Variants in ATP9A observed in about 807,000 individuals in gnomAD.
The protein encoded by ATP9A is ATPase phospholipid transporting 9A.
Under a neutral mutation model 144.1 loss-of-function variants are expected in ATP9A, and 52 were observed. That is an observed-to-expected ratio of 0.36 (90% CI 0.29 to 0.45). The LOEUF is 0.45. ATP9A is among the 20% of genes least tolerant of loss of function. The probability of loss-of-function intolerance (pLI) is 1.00; values close to 1 mark genes in which losing one functional copy is unlikely to be tolerated. For missense variants in ATP9A, 947 were observed against 1,392.7 expected, an observed-to-expected ratio of 0.68 and a Z score of 5.09; for synonymous variants, 582 against 557.4, an observed-to-expected ratio of 1.04 and a Z score of -0.62.
intron 4 of ATP9A, among the ~76,000 whole-genome samples, chr20:51,699,557 AT>A (rs1239656852): frequency 2.0e-5 from 3 of 152,072 alleles, no homozygotes; most frequent in Non-Finnish European, 4.4e-5. Context: ...TTTTTAACTA[AT>A]TTTTGTGTGT....
At chr20:51,642,556 C>T (rs540778270) in intron 14 of ATP9A, among the ~76,000 whole-genome samples, 26 of 151,744 alleles carry the variant, frequency 1.7e-4, no homozygotes, top group Admixed American at 1.6e-3. Flanking sequence ...ATCAAGGTCG[C>T]TTGATCACCA....
intron 26 of ATP9A, among the ~76,000 whole-genome samples, chr20:51,605,336 C>T (rs1037129707): frequency 2.0e-5 from 3 of 152,148 alleles, no homozygotes; most frequent in East Asian, 3.9e-4. Context: ...GATGGAGTCG[C>T]GGCCAGGCGC....
rs377547496 is a variant in ATP9A at position 51,719,745 on chromosome 20, AG to A, written c.327+6073del. On this transcript the variant is annotated intron_variant, in intron 3 of 27. Coordinates refer to ENST00000338821, the MANE Select transcript of ATP9A (RefSeq NM_006045.3). The stretch of plus-strand genomic sequence containing the variant: ...AGACTCTGTCTCAAAAAAAAAAAAA[AG>A]GGGGGGGAAGAAGAAACGGGCTGGG... 5.3e-4 allele frequency among the ~76,000 whole-genome samples: 73 copies of A among 137,476 alleles called. 1 individual carries two copies. Among genetic ancestry groups the A allele is most frequent in the East Asian group, 1.1e-3 (5 of 4,536 alleles). The allele number at this position is 137,476 out of a possible 152,430, so 90.2% of individuals were successfully genotyped here. A position where few individuals can be genotyped will look rare whatever the true frequency, so the allele number is the denominator to read the frequency against.
At chr20:51,762,493 C>CAA (rs1262709304) in intron 1 of ATP9A, among the ~76,000 whole-genome samples, 1 of 125,100 alleles carries the variant, frequency 8.0e-6, no homozygotes, top group Non-Finnish European at 1.7e-5. Flanking sequence ...GACTCTGTCT[C>CAA]AAAAAAAAAA....
intron 4 of ATP9A, among the ~76,000 whole-genome samples, chr20:51,700,585 C>T (rs761377126): frequency 6.6e-6 from 1 of 152,226 alleles, no homozygotes; most frequent in Non-Finnish European, 1.5e-5. Context: ...AATCCCAACA[C>T]TTTGGGAGGC....
At chr20:51,722,007 A>C (rs2077691823) in intron 3 of ATP9A, among the ~76,000 whole-genome samples, 1 of 152,146 alleles carries the variant, frequency 6.6e-6, no homozygotes, top group Non-Finnish European at 1.5e-5. Flanking sequence ...GATCAATGGA[A>C]CAGAATAGAG....
At chr20:51,643,873 T>C (rs541333981) in intron 14 of ATP9A, among the ~76,000 whole-genome samples, 3 of 152,268 alleles carry the variant, frequency 2.0e-5, no homozygotes, top group South Asian at 2.1e-4. Context: ...CAGTAGCTCA[T>C]GTCTGTAATC....
chr20:51,618,939 G>T lies in ATP9A; in HGVS notation c.2205+15C>A. On this transcript the variant is annotated intron_variant, in intron 20 of 27. Transcript: ENST00000338821. Reference sequence around the variant, plus strand: ...GCTGCTGGGAGGACTGGCTCTCAGGGGTCCCCAAGCTCACCTCCAGGGAGT... The same window carrying T: ...GCTGCTGGGAGGACTGGCTCTCAGGTGTCCCCAAGCTCACCTCCAGGGAGT... 1 of 1,613,596 alleles carries T rather than the reference G, an allele frequency of 6.2e-7. No homozygotes were observed. Among genetic ancestry groups the T allele is most frequent in the Non-Finnish European group, 8.5e-7 (1 of 1,179,592 alleles).
intron 9 of ATP9A, among the ~76,000 whole-genome samples, chr20:51,682,577 C>CTTATTTTTTTTTTTTTT (rs2077504522): frequency 2.9e-5 from 1 of 35,076 alleles, no homozygotes; most frequent in Non-Finnish European, 5.3e-5. Flanking sequence ...TTCACTGTAT[C>CTTATTTTTTTTTTTTTT]TTTTTTTTTT....
intron 17 of ATP9A, among the ~76,000 whole-genome samples, chr20:51,625,888 C>T (rs1270068335): frequency 3.3e-5 from 5 of 152,210 alleles, no homozygotes; most frequent in Admixed American, 3.3e-4. Context: ...GAAGCACATG[C>T]TTTTAAAATT....
intron 10 of ATP9A, among the ~76,000 whole-genome samples, 197 bp downstream of exon 10, chr20:51,675,935 A>T (rs1243282815): frequency 1.3e-5 from 2 of 152,038 alleles, no homozygotes; most frequent in African/African-American, 4.8e-5. Context: ...CAAACATGTA[A>T]CTACATATTT....
intron 15 of ATP9A, among the ~76,000 whole-genome samples, chr20:51,635,590 A>G (rs976054151): frequency 6.6e-6 from 1 of 151,714 alleles, no homozygotes; most frequent in Admixed American, 6.6e-5. Context: ...GATAAGAATT[A>G]GCAGAGCATG....
intron 5 of ATP9A, among the ~76,000 whole-genome samples, chr20:51,696,476 T>C (rs564791099): frequency 1.3e-5 from 2 of 152,316 alleles, no homozygotes; most frequent in Admixed American, 6.5e-5. Context: ...TCTTCCAGGC[T>C]GTCTGCTGAG....
intron 26 of ATP9A, among the ~76,000 whole-genome samples, chr20:51,606,354 ATG>A (rs2077163478): frequency 3.9e-5 from 6 of 152,212 alleles, no homozygotes; most frequent in African/African-American, 1.4e-4. Context: ...ATCATTTCAC[ATG>A]TATATTATAT....
chr20:51,723,201 G>C (rs1239679086), intron 3 of ATP9A, among the ~76,000 whole-genome samples: 1 of 152,120 alleles, frequency 6.6e-6, no homozygotes, highest in African/African-American at 2.4e-5. Context: ...GCTAAGCTAT[G>C]AGGACACAAA....
chr20:51,654,734 A>G (rs1031692065), intron 14 of ATP9A, among the ~76,000 whole-genome samples: 19 of 152,110 alleles, frequency 1.2e-4, no homozygotes, highest in Admixed American at 1.2e-3. Context: ...GCAAGACCCC[A>G]TCTCTAAAAA....
intron 13 of ATP9A, among the ~76,000 whole-genome samples, chr20:51,658,600 A>G (rs1161934851): frequency 6.8e-6 from 1 of 147,310 alleles, no homozygotes; most frequent in Admixed American, 6.9e-5. Flanking sequence ...GCTCACTGCA[A>G]TCTCCGCCTC....
chr20:51,747,648 C>A (rs767856828), intron 1 of ATP9A, among the ~76,000 whole-genome samples: 7 of 152,238 alleles, frequency 4.6e-5, no homozygotes, highest in Non-Finnish European at 1.0e-4. Context: ...GTGCTTCCAG[C>A]AGATGGGCAG....
intron 1 of ATP9A, among the ~76,000 whole-genome samples, chr20:51,751,320 C>T (rs2077831173): frequency 1.4e-5 from 2 of 142,266 alleles, no homozygotes; most frequent in South Asian, 2.3e-4. Context: ...AGTGCAGTGA[C>T]GCGATCATGG....
Sources: allele counts gnomAD v4.1 joint callset (sites outside exome capture counted in the v4.1 genomes callset), GRCh38; gene constraint gnomAD v4.1.1; transcripts MANE v1.5; gene names NCBI Gene and HGNC (gene_info 2026-07-23, HGNC 2026-07-21).